LRFN2: variants seen among roughly 807,000 people sequenced by gnomAD.
LRFN2 encodes leucine rich repeat and fibronectin type III domain containing 2.
A neutral mutation model predicts 37.3 loss-of-function variants in LRFN2; 18 were observed. That is an observed-to-expected ratio of 0.48 (90% CI 0.33 to 0.72). The LOEUF (loss-of-function observed/expected upper bound fraction) is 0.72, where lower values mean the gene tolerates loss of function less well. LRFN2 is among the 30% of genes least tolerant of loss of function. LRFN2 has a pLI of 0.02. For synonymous variants in LRFN2, 556 were observed against 466.6 expected (o/e 1.19, Z -2.47); for missense variants, 1,006 against 1,060.7 (o/e 0.95, Z 0.72).
At chr6:40,403,655 G>A (rs550504208) in intron 2 of LRFN2, among the ~76,000 whole-genome samples, 12 of 152,094 alleles carry the variant, frequency 7.9e-5, no homozygotes, top group African/African-American at 1.2e-4. Flanking sequence ...TCCACAGCCC[G>A]CAAGACAGCA....
intron 1 of LRFN2, among the ~76,000 whole-genome samples, chr6:40,478,686 T>C (rs1764760756): frequency 6.6e-6 from 1 of 152,236 alleles, no homozygotes. Context: ...AGCTAGGTAC[T>C]CTGGCATCCT....
chr6:40,492,930 C>T (rs1490903137), intron 1 of LRFN2, among the ~76,000 whole-genome samples: 1 of 152,000 alleles, frequency 6.6e-6, no homozygotes, highest in African/African-American at 2.4e-5. Context: ...TGGACACTAA[C>T]AAGAAAACAT....
intron 1 of LRFN2, among the ~76,000 whole-genome samples, chr6:40,453,995 C>T (rs1764180116): frequency 6.6e-6 from 1 of 152,138 alleles, no homozygotes; most frequent in Admixed American, 6.6e-5. Flanking sequence ...TCTCTCTACG[C>T]CATCTCATCT....
chr6:40,538,711 G>A (rs1766497911), intron 1 of LRFN2, among the ~76,000 whole-genome samples: 2 of 152,196 alleles, frequency 1.3e-5, no homozygotes, highest in African/African-American at 4.8e-5. Context: ...GTCTGACGCA[G>A]GGCGTCCTCT....
chr6:40,472,578 C>T (rs1052880530), intron 1 of LRFN2, among the ~76,000 whole-genome samples: 14 of 152,196 alleles, frequency 9.2e-5, no homozygotes, highest in Non-Finnish European at 2.1e-4. Context: ...CATTCAGATT[C>T]ACCCCGTGTA....
chr6:40,453,794 A>T (rs551096835), intron 1 of LRFN2, among the ~76,000 whole-genome samples: 1 of 152,312 alleles, frequency 6.6e-6, no homozygotes, highest in South Asian at 2.1e-4. Context: ...AGTCACTGAT[A>T]CTGACGACTC....
intron 2 of LRFN2, among the ~76,000 whole-genome samples, chr6:40,422,853 A>AG (rs769746883): frequency 4.6e-5 from 7 of 152,128 alleles, no homozygotes; most frequent in Non-Finnish European, 8.8e-5. Flanking sequence ...CTCTTACTGG[A>AG]GGGGGAAAAA....
At chr6:40,562,404 G>C (rs765395532) in intron 1 of LRFN2, among the ~76,000 whole-genome samples, 16 of 152,046 alleles carry the variant, frequency 1.1e-4, no homozygotes, top group Admixed American at 1.0e-3. Flanking sequence ...TAGGAATATA[G>C]AAACTGGTCA....
chr6:40,421,379 A>G (rs970403730), intron 2 of LRFN2, among the ~76,000 whole-genome samples: 1 of 152,182 alleles, frequency 6.6e-6, no homozygotes, highest in Non-Finnish European at 1.5e-5. Flanking sequence ...GCTTTTATAC[A>G]TTTGAGGGAG....
At chr6:40,399,717 C>T (rs971099799) in intron 2 of LRFN2, among the ~76,000 whole-genome samples, 1 of 151,850 alleles carries the variant, frequency 6.6e-6, no homozygotes, top group Non-Finnish European at 1.5e-5. Flanking sequence ...GGATTACAGG[C>T]GTGAGCCACG....
chr6:40,549,812 C>A (rs1461196969), intron 1 of LRFN2, among the ~76,000 whole-genome samples: 2 of 151,944 alleles, frequency 1.3e-5, no homozygotes, highest in African/African-American at 4.8e-5. Context: ...CCGAGGCAGG[C>A]GGATCACCTG....
intron 1 of LRFN2, among the ~76,000 whole-genome samples, chr6:40,552,193 G>A (rs887497250): frequency 4.6e-5 from 7 of 152,288 alleles, no homozygotes; most frequent in African/African-American, 1.4e-4. Flanking sequence ...TCTGAAGTGA[G>A]CCCAGGAATC....
At chr6:40,424,587 A>G (rs1763303970) in intron 2 of LRFN2, among the ~76,000 whole-genome samples, 1 of 151,688 alleles carries the variant, frequency 6.6e-6, no homozygotes, top group Non-Finnish European at 1.5e-5. Context: ...AGCGTGAAAA[A>G]AAAATTAGAA....
chr6:40,462,400 G>A (rs2113850763), intron 1 of LRFN2, among the ~76,000 whole-genome samples: 1 of 152,240 alleles, frequency 6.6e-6, no homozygotes, highest in South Asian at 2.1e-4. Context: ...TCCTCCAGAA[G>A]CACATGGACT....
intron 1 of LRFN2, among the ~76,000 whole-genome samples, chr6:40,498,704 T>A (rs531045435): frequency 6.6e-6 from 1 of 152,276 alleles, no homozygotes; most frequent in Admixed American, 6.5e-5. Flanking sequence ...ACTATTTAGG[T>A]TCTTGGGGCA....
At chr6:40,395,151 C>T (rs1179959867) in intron 2 of LRFN2, among the ~76,000 whole-genome samples, 1 of 152,030 alleles carries the variant, frequency 6.6e-6, no homozygotes, top group Non-Finnish European at 1.5e-5. Flanking sequence ...GCCAGTTTCA[C>T]CTGGGCATCA....
chr6:40,482,910 G>A (rs1182767053), intron 1 of LRFN2, among the ~76,000 whole-genome samples: 2 of 152,192 alleles, frequency 1.3e-5, no homozygotes, highest in Non-Finnish European at 2.9e-5. Context: ...CATGACTAGG[G>A]CGCCTAAGGG....
intron 1 of LRFN2, among the ~76,000 whole-genome samples, chr6:40,558,636 C>T (rs10456491): frequency 0.47 from 72,115 of 151,958 alleles, 18,149 homozygotes; most frequent in African/African-American, 0.64. Flanking sequence ...TGGGGGAAGG[C>T]GAGGGCTAGA....
chr6:40,459,645 T>C (rs1232988521), intron 1 of LRFN2, among the ~76,000 whole-genome samples: 1 of 152,188 alleles, frequency 6.6e-6, no homozygotes, highest in Non-Finnish European at 1.5e-5. Flanking sequence ...AATCTGCATG[T>C]TCCCTACAAC....
Sources: gnomAD v4.1 joint callset for allele counts (sites outside exome capture counted in the v4.1 genomes callset) on GRCh38, gnomAD v4.1.1 for gene constraint, MANE v1.5 for transcripts, NCBI Gene and HGNC (gene_info 2026-07-23, HGNC 2026-07-21) for gene names.